The following SIPA1L1 variants were observed in gnomAD, a reference collection of about 807,000 sequenced individuals.
SIPA1L1 encodes signal-induced proliferation-associated 1-like protein 1.
SIPA1L1 carries 26 observed loss-of-function variants against 162.7 expected under a neutral mutation model. The ratio of observed to expected loss-of-function variants is 0.16; its 90% CI spans 0.12 to 0.22. The LOEUF (loss-of-function observed/expected upper bound fraction) is 0.22. SIPA1L1 is among the 10% of genes least tolerant of loss of function. The pLI is 1.00. For synonymous variants in SIPA1L1, 829 were observed against 837.4 expected, an observed-to-expected ratio of 0.99 and a Z score of 0.17; for missense variants, 1,874 against 2,241.0, an observed-to-expected ratio of 0.84 and a Z score of 3.31.
intron 17 of SIPA1L1, 104 bp from the exon 18 acceptor site, chr14:71,723,543 A>T (rs2083940033): frequency 3.0e-6 from 4 of 1,314,440 alleles, no homozygotes; most frequent in Non-Finnish European, 3.2e-6. Flanking sequence ...TTCATGAAAA[A>T]TTCACTGTTG....
At chr14:71,691,509 C>G (rs562229019) in intron 13 of SIPA1L1, among the ~76,000 whole-genome samples, 1 of 152,282 alleles carries the variant, frequency 6.6e-6, no homozygotes, top group East Asian at 1.9e-4. Context: ...GGGAGGATCA[C>G]CTGAGCCTGG....
At chr14:71,370,965 C>T (rs1331576148) in intron 2 of SIPA1L1, among the ~76,000 whole-genome samples, 1 of 152,028 alleles carries the variant, frequency 6.6e-6, no homozygotes, top group Non-Finnish European at 1.5e-5. Flanking sequence ...AAGTGATATA[C>T]ATTAATACTA....
intron 10 of SIPA1L1, among the ~76,000 whole-genome samples, chr14:71,665,051 A>T (rs368832354): frequency 6.6e-6 from 1 of 152,212 alleles, no homozygotes; most frequent in African/African-American, 2.4e-5. Flanking sequence ...GGCCTCCAGA[A>T]TGCTAGGCCA....
intron 2 of SIPA1L1, among the ~76,000 whole-genome samples, chr14:71,451,030 A>G (rs531172841): frequency 5.9e-5 from 9 of 152,308 alleles, no homozygotes; most frequent in Non-Finnish European, 1.2e-4. Context: ...CTGTGGGTAA[A>G]GAAAATATGG....
At chr14:71,470,012 TG>T (rs2142164477) in intron 2 of SIPA1L1, among the ~76,000 whole-genome samples, 1 of 152,276 alleles carries the variant, frequency 6.6e-6, no homozygotes, top group African/African-American at 2.4e-5. Context: ...TGGTGGTGCT[TG>T]GCAGACCCTT....
At chr14:71,431,249 T>C (rs1434922019) in intron 2 of SIPA1L1, among the ~76,000 whole-genome samples, 1 of 152,190 alleles carries the variant, frequency 6.6e-6, no homozygotes, top group African/African-American at 2.4e-5. Flanking sequence ...TCACATCTTT[T>C]CATATGGGTG....
At chr14:71,354,931 T>G (rs1336172859) in intron 2 of SIPA1L1, among the ~76,000 whole-genome samples, 6 of 152,210 alleles carry the variant, frequency 3.9e-5, no homozygotes, top group Non-Finnish European at 8.8e-5. Context: ...GAGAGCTTGC[T>G]GAGTGCCTGG....
intron 13 of SIPA1L1, among the ~76,000 whole-genome samples, chr14:71,690,969 C>T (rs964259596): frequency 6.6e-6 from 1 of 152,248 alleles, no homozygotes; most frequent in Non-Finnish European, 1.5e-5. Context: ...CCTTCTGCCT[C>T]TTCCGTCTCG....
chr14:71,619,086 TG>T (rs1374478480), intron 6 of SIPA1L1, among the ~76,000 whole-genome samples, 199 bp downstream of exon 6: 1 of 152,106 alleles, frequency 6.6e-6, no homozygotes, highest in East Asian at 1.9e-4. Context: ...CATCAGACTC[TG>T]AATAGATGCA....
At chr14:71,561,779 G>A (rs967213543) in intron 4 of SIPA1L1, among the ~76,000 whole-genome samples, 5 of 152,088 alleles carry the variant, frequency 3.3e-5, no homozygotes, top group Admixed American at 3.3e-4. Context: ...TAGAGACGGA[G>A]TTTCACCATG....
chr14:71,708,004 T>C (rs933991479), intron 16 of SIPA1L1, among the ~76,000 whole-genome samples: 1 of 143,104 alleles, frequency 7.0e-6, no homozygotes, highest in Non-Finnish European at 1.5e-5. Flanking sequence ...GTTGGACATT[T>C]GTTTTTTGGT....
intron 13 of SIPA1L1, among the ~76,000 whole-genome samples, chr14:71,688,235 C>T (rs1300927546): frequency 6.6e-6 from 1 of 152,078 alleles, no homozygotes; most frequent in Non-Finnish European, 1.5e-5. Flanking sequence ...AAATCTAAAA[C>T]GTTTTGAGCA....
intron 2 of SIPA1L1, among the ~76,000 whole-genome samples, chr14:71,383,232 T>A (rs904753805): frequency 1.3e-5 from 2 of 152,184 alleles, no homozygotes; most frequent in Admixed American, 6.5e-5. Context: ...GTCATTCCAT[T>A]TTACAGATGA....
chr14:71,662,224 A>G (rs2043590267), intron 10 of SIPA1L1, among the ~76,000 whole-genome samples: 1 of 152,226 alleles, frequency 6.6e-6, no homozygotes. Flanking sequence ...TGACCTGTGC[A>G]CATTGACAGT....
chr14:71,532,725 G>GTA (rs1179386639), intron 4 of SIPA1L1, among the ~76,000 whole-genome samples: 18 of 152,230 alleles, frequency 1.2e-4, no homozygotes, highest in African/African-American at 4.3e-4. Flanking sequence ...TAGAGGGTAC[G>GTA]TATACACTGA....
intron 5 of SIPA1L1, among the ~76,000 whole-genome samples, chr14:71,595,813 T>C (rs996535791): frequency 1.3e-5 from 2 of 152,182 alleles, no homozygotes; most frequent in Non-Finnish European, 2.9e-5. Context: ...CTCCTTTATC[T>C]TCATTGTGTT....
chr14:71,334,295 T>C (rs538356200), intron 2 of SIPA1L1, among the ~76,000 whole-genome samples: 2 of 152,366 alleles, frequency 1.3e-5, no homozygotes, highest in South Asian at 4.1e-4. Context: ...ACATTATTTC[T>C]GGAAAGTAGA....
At chr14:71,622,790 C>T (rs2039582664) in intron 6 of SIPA1L1, among the ~76,000 whole-genome samples, 1 of 152,054 alleles carries the variant, frequency 6.6e-6, no homozygotes, top group African/African-American at 2.4e-5. Context: ...ATACATCGTC[C>T]CCCTACGAAC....
At chr14:71,647,641 T>C (rs1456470816) in intron 7 of SIPA1L1, among the ~76,000 whole-genome samples, 1 of 152,162 alleles carries the variant, frequency 6.6e-6, no homozygotes, top group African/African-American at 2.4e-5. Flanking sequence ...TTGTTCTCCC[T>C]GGAGGGAGAG....
Sources: allele counts gnomAD v4.1 joint callset (sites outside exome capture counted in the v4.1 genomes callset), GRCh38; gene constraint gnomAD v4.1.1; transcripts MANE v1.5; gene names NCBI Gene and HGNC (gene_info 2026-07-23, HGNC 2026-07-21).